The following MTNR1A variants were observed in gnomAD, a reference collection of about 807,000 sequenced individuals.
MTNR1A encodes the protein melatonin receptor 1A, also known as melatonin receptor type 1A.
Under a neutral mutation model 5.5 loss-of-function variants are expected in MTNR1A, and 7 were observed. The ratio of observed to expected loss-of-function variants is 1.28; its 90% CI spans 0.73 to 2.40. The LOEUF (loss-of-function observed/expected upper bound fraction) is 2.40, where lower values mean the gene tolerates loss of function less well. MTNR1A is among the 30% of genes most tolerant of loss of function. The probability of loss-of-function intolerance (pLI) is 0.00; values close to 1 mark genes in which losing one functional copy is unlikely to be tolerated. For missense variants in MTNR1A, 441 were observed against 464.4 expected, an observed-to-expected ratio of 0.95 and a Z score of 0.46; for synonymous variants, 196 against 202.7, an observed-to-expected ratio of 0.97 and a Z score of 0.28.
chr4:186,548,810 G>GATAGATATATATAT (rs1737206563), intron 1 of MTNR1A, among the ~76,000 whole-genome samples: 1 of 54,592 alleles, frequency 1.8e-5, no homozygotes, highest in Non-Finnish European at 3.4e-5. Context: ...AATCTATAAA[G>GATAGATATATATAT]ATATATATAT....
At chr4:186,540,197 C>T (rs1736979672) in intron 1 of MTNR1A, among the ~76,000 whole-genome samples, 1 of 152,190 alleles carries the variant, frequency 6.6e-6, no homozygotes, top group African/African-American at 2.4e-5. Context: ...AATTACCTCC[C>T]ACCAGGTCCC....
intron 1 of MTNR1A, among the ~76,000 whole-genome samples, chr4:186,542,766 G>T (rs1261210351): frequency 1.3e-5 from 2 of 152,108 alleles, no homozygotes; most frequent in African/African-American, 2.4e-5. Context: ...TAAAGTCTTA[G>T]TTCCCAAGGG....
chr4:186,543,950 C>T (rs1158670343), intron 1 of MTNR1A, among the ~76,000 whole-genome samples: 2 of 152,158 alleles, frequency 1.3e-5, no homozygotes, highest in Non-Finnish European at 2.9e-5. Flanking sequence ...ATAGGATAGC[C>T]TCACCCACAA....
At chr4:186,543,955 C>T (rs1200280178) in intron 1 of MTNR1A, among the ~76,000 whole-genome samples, 1 of 152,224 alleles carries the variant, frequency 6.6e-6, no homozygotes, top group East Asian at 1.9e-4. Context: ...ATAGCCTCAC[C>T]CACAAAAGAA....
intron 1 of MTNR1A, among the ~76,000 whole-genome samples, chr4:186,544,211 G>A (rs1369958955): frequency 6.6e-6 from 1 of 152,078 alleles, no homozygotes; most frequent in Non-Finnish European, 1.5e-5. Flanking sequence ...AGTTGAGATG[G>A]GATTTCACCA....
In MTNR1A at chr4:186,533,965, C is replaced by T. The variant is rs1188774981; in HGVS notation, c.777G>A (p.Leu259=). The T allele has an allele frequency of 6.8e-6, 11 of 1,614,006 alleles. No homozygotes were observed. The highest frequency in any genetic ancestry group is 9.3e-6 in the Non-Finnish European group (11 of 1,180,034). Residue 259 remains leucine (L), a synonymous_variant, in exon 2 of 2, where the codon CTG becomes CTA. Coordinates refer to ENST00000307161, the MANE Select transcript of MTNR1A (RefSeq NM_005958.4). The part of the protein sequence containing the change: ...ICWAPLNFIG[L]AVASDPASMV... ...TGCTGGCGGGGTCAGAGGCCACGGC[C>T]AGGCCAATGAAGTTCAGAGGAGCCC...
chr4:186,535,255 C>T lies in MTNR1A; in HGVS notation c.185-698G>A, dbSNP rs772190380. 5.9e-5 allele frequency among the ~76,000 whole-genome samples: 9 copies of T among 152,064 alleles called. No individual in the cohort carries two copies. The South Asian group carries it at 8.3e-4, about 14-fold the overall frequency. ...ACACCATAGAAATGTTCTTATTCTA[C>T]GACTCCCTCACCTTGAACCAAAGGA... On this transcript the variant is annotated intron_variant, in intron 1 of 1. Coordinates refer to ENST00000307161, the MANE Select transcript of MTNR1A (RefSeq NM_005958.4).
chr4:186,555,011 T>C lies in MTNR1A; in HGVS notation c.184+171A>G, dbSNP rs1737340556. The stretch of plus-strand genomic sequence containing the variant: ...TTAGGGGCTGTGACTCCGCGCCTTA[T>C]GAAAAGGCACTTTCAACGGGCAGGC... On this transcript the variant is annotated intron_variant, in intron 1 of 1. Transcript: ENST00000307161. This position sits in a 1 kb window ranked among gnomAD's most constrained non-coding sequence, Gnocchi z 4.1. 6.6e-6 allele frequency among the ~76,000 whole-genome samples: 1 copy of C among 152,158 alleles called. No individual in the cohort carries two copies. The highest frequency in any genetic ancestry group is 2.1e-4 in the South Asian group (1 of 4,830).
chr4:186,548,842 TATATAC>T (rs373795210), intron 1 of MTNR1A, among the ~76,000 whole-genome samples: 7,564 of 65,810 alleles, frequency 0.11, 802 homozygotes, highest in East Asian at 0.19. Context: ...TATATATATA[TATATAC>T]ACTATATATG....
chr4:186,553,449 A>C (rs1180228643), intron 1 of MTNR1A, among the ~76,000 whole-genome samples: 5 of 152,226 alleles, frequency 3.3e-5, no homozygotes, highest in African/African-American at 4.8e-5. Context: ...AGGAGTTCTT[A>C]AGTTCTTCTT....
intron 1 of MTNR1A, among the ~76,000 whole-genome samples, chr4:186,534,893 C>T (rs1267089230): frequency 1.3e-5 from 2 of 152,318 alleles, no homozygotes; most frequent in South Asian, 2.1e-4. Flanking sequence ...CCTTCTACAT[C>T]ACCTGAGAAA....
intron 1 of MTNR1A, among the ~76,000 whole-genome samples, chr4:186,552,091 G>A (rs927553384): frequency 3.9e-5 from 6 of 152,144 alleles, no homozygotes; most frequent in African/African-American, 1.4e-4. Context: ...TTGCTGCACT[G>A]TGCTGCTTTC....
At chr4:186,543,074 C>T (rs1043049865) in intron 1 of MTNR1A, among the ~76,000 whole-genome samples, 4 of 152,174 alleles carry the variant, frequency 2.6e-5, no homozygotes, top group Non-Finnish European at 4.4e-5. Context: ...GCTCAGGCGA[C>T]AGAGCAAGAT....
chr4:186,541,446 C>T (rs1737021963), intron 1 of MTNR1A, among the ~76,000 whole-genome samples: 1 of 147,034 alleles, frequency 6.8e-6, no homozygotes. Flanking sequence ...TGGGCAGTGG[C>T]TAATGGTCAG....
At chr4:186,539,213 TAAAAAAA>T (rs59170135) in intron 1 of MTNR1A, among the ~76,000 whole-genome samples, 6 of 115,812 alleles carry the variant, frequency 5.2e-5, no homozygotes, top group Non-Finnish European at 6.7e-5. Flanking sequence ...AAGACTCCAT[TAAAAAAA>T]AAAAAAAAAA....
chr4:186,546,790 A>G (rs62350393), intron 1 of MTNR1A, among the ~76,000 whole-genome samples: 916 of 86,590 alleles, frequency 0.011, 10 homozygotes, highest in Middle Eastern at 0.041. Flanking sequence ...CACCCTGTTC[A>G]TGGGACACAC....
chr4:186,551,711 G>A (rs895608747), intron 1 of MTNR1A, among the ~76,000 whole-genome samples: 2 of 151,938 alleles, frequency 1.3e-5, no homozygotes, highest in African/African-American at 4.8e-5. Flanking sequence ...AAACAGCCGT[G>A]GTACATCCGA....
chr4:186,542,352 G>A (rs534719960), intron 1 of MTNR1A, among the ~76,000 whole-genome samples: 10 of 152,112 alleles, frequency 6.6e-5, no homozygotes, highest in South Asian at 2.1e-4. Context: ...TAACACCCAC[G>A]GACGTACAGG....
rs757400733 is a variant in MTNR1A at position 186,534,000 on chromosome 4, C to CA, written c.741dup (p.Ala248CysfsTer17). ...AAGTTCAGAGGAGCCCAGCAAATGG[C>CA]AAAAAGGACAAAAACCACAAACATG... On this transcript the variant is annotated frameshift_variant, in exon 2 of 2. Transcript: ENST00000307161. LOFTEE classifies it low-confidence loss of function (END_TRUNC). 8 of 1,613,992 alleles carry CA rather than the reference C, an allele frequency of 5.0e-6. No individual in the cohort carries two copies. The highest frequency in any genetic ancestry group is 5.9e-6 in the Non-Finnish European group (7 of 1,180,022).
Sources: gnomAD v4.1 joint callset for allele counts (sites outside exome capture counted in the v4.1 genomes callset) on GRCh38, gnomAD v4.1.1 for gene constraint, Gnocchi (gnomAD v3.1) non-coding constraint, MANE v1.5 for transcripts, NCBI Gene and HGNC (gene_info 2026-07-23, HGNC 2026-07-21) for gene names.